Variants in ADAMTS18 observed in about 807,000 individuals in gnomAD.
The protein encoded by ADAMTS18 is ADAM metallopeptidase with thrombospondin type 1 motif 18.
A neutral mutation model predicts 165.9 loss-of-function variants in ADAMTS18; 157 were observed. The observed-to-expected ratio is 0.95, with a 90% CI of 0.83 to 1.08. The LOEUF (loss-of-function observed/expected upper bound fraction) is 1.08. Ranked by LOEUF, ADAMTS18 falls within the 50% of genes least tolerant of loss-of-function variation. The probability of loss-of-function intolerance (pLI) is 0.00; values close to 1 mark genes in which losing one functional copy is unlikely to be tolerated. For missense variants in ADAMTS18, 2,040 were observed against 1,534.0 expected, an observed-to-expected ratio of 1.33 and a Z score of -5.51; for synonymous variants, 782 against 578.2, an observed-to-expected ratio of 1.35 and a Z score of -5.06.
chr16:77,376,167 T>C (rs531279649), intron 3 of ADAMTS18, among the ~76,000 whole-genome samples: 1 of 152,188 alleles, frequency 6.6e-6, no homozygotes, highest in East Asian at 1.9e-4. Flanking sequence ...ACTCCCAAAG[T>C]GCTGGGATTA....
chr16:77,401,644 T>C (rs975334969), intron 3 of ADAMTS18, among the ~76,000 whole-genome samples: 24 of 152,314 alleles, frequency 1.6e-4, no homozygotes, highest in African/African-American at 5.8e-4. Context: ...AGATAGCTGG[T>C]AAATGTTATT....
At chr16:77,358,200 A>G (rs1309345513) in intron 8 of ADAMTS18, among the ~76,000 whole-genome samples, 1 of 152,202 alleles carries the variant, frequency 6.6e-6, no homozygotes, top group Middle Eastern at 3.2e-3. Flanking sequence ...TGTGTATAAT[A>G]ATGTTGGAAA....
At chr16:77,360,169 C>G (rs1267177737) in intron 7 of ADAMTS18, among the ~76,000 whole-genome samples, 1 of 152,094 alleles carries the variant, frequency 6.6e-6, no homozygotes, top group Admixed American at 6.6e-5. Context: ...ATTGTCAAGA[C>G]GGAAGTGAGA....
intron 3 of ADAMTS18, among the ~76,000 whole-genome samples, chr16:77,392,743 T>C (rs371743853): frequency 9.9e-5 from 15 of 152,178 alleles, no homozygotes; most frequent in East Asian, 9.6e-4. Context: ...TCTGTCCTGA[T>C]GGAATTTACA....
intron 3 of ADAMTS18, among the ~76,000 whole-genome samples, chr16:77,380,122 T>C (rs1597200382): frequency 1.3e-5 from 2 of 152,300 alleles, no homozygotes; most frequent in South Asian, 2.1e-4. Context: ...AATACTCCAA[T>C]AGGCTCAAAA....
intron 3 of ADAMTS18, among the ~76,000 whole-genome samples, chr16:77,408,331 G>A (rs146492789): frequency 4.7e-4 from 71 of 152,194 alleles, no homozygotes; most frequent in Admixed American, 1.6e-3. Context: ...CTAGATGACC[G>A]AGAAATTCCA....
At chr16:77,291,156 G>A in intron 21 of ADAMTS18, 110 bp downstream of exon 21, 1 of 1,243,896 alleles carries the variant, frequency 8.0e-7, no homozygotes, top group Non-Finnish European at 1.2e-6. Flanking sequence ...TGAGCCCTTA[G>A]TTGTTTTTAC....
At chr16:77,303,762 G>C (rs1383621175) in intron 16 of ADAMTS18, among the ~76,000 whole-genome samples, 1 of 152,140 alleles carries the variant, frequency 6.6e-6, no homozygotes, top group African/African-American at 2.4e-5. Flanking sequence ...GGCCGGACGC[G>C]GGGGCTCGCG....
intron 22 of ADAMTS18, among the ~76,000 whole-genome samples, chr16:77,287,509 C>T (rs1430151178): frequency 6.6e-6 from 1 of 151,940 alleles, no homozygotes; most frequent in Non-Finnish European, 1.5e-5. Flanking sequence ...GACAGGGTCT[C>T]AAAAAAAGCC....
intron 7 of ADAMTS18, 123 bp from the exon 8 acceptor site, chr16:77,359,546 TTGGA>T (rs2056681098): frequency 1.6e-6 from 1 of 630,478 alleles, no homozygotes; most frequent in Non-Finnish European, 2.6e-6. Context: ...TTCAGTGTTT[TTGGA>T]AAAAAAAAAA....
At chr16:77,356,514 T>C (rs1489881255) in intron 8 of ADAMTS18, among the ~76,000 whole-genome samples, 3 of 152,194 alleles carry the variant, frequency 2.0e-5, no homozygotes, top group African/African-American at 4.8e-5. Context: ...ATAAGTTGTT[T>C]ATGAACTGTT....
At chr16:77,379,188 G>A (rs1160496432) in intron 3 of ADAMTS18, among the ~76,000 whole-genome samples, 3 of 152,152 alleles carry the variant, frequency 2.0e-5, no homozygotes, top group East Asian at 3.9e-4. Flanking sequence ...CTCATGAGGC[G>A]CCTTCTTGGG....
At chr16:77,361,612 GGT>G (rs1487669989) in intron 7 of ADAMTS18, among the ~76,000 whole-genome samples, 1 of 152,162 alleles carries the variant, frequency 6.6e-6, no homozygotes, top group Admixed American at 6.5e-5. Flanking sequence ...AGCCAGGTGA[GGT>G]GGCTCATGCC....
intron 10 of ADAMTS18, among the ~76,000 whole-genome samples, chr16:77,344,134 C>T (rs1232786756): frequency 7.2e-6 from 1 of 138,908 alleles, no homozygotes; most frequent in Non-Finnish European, 1.6e-5. Flanking sequence ...TGTATACATA[C>T]ATATATATGT....
chr16:77,346,938 A>C (rs905747465), intron 10 of ADAMTS18, among the ~76,000 whole-genome samples: 1 of 152,220 alleles, frequency 6.6e-6, no homozygotes. Context: ...CCATCACTCC[A>C]AAAAGTTCCC....
intron 3 of ADAMTS18, among the ~76,000 whole-genome samples, chr16:77,430,039 T>G (rs2057719482): frequency 6.6e-6 from 1 of 152,140 alleles, no homozygotes; most frequent in South Asian, 2.1e-4. Flanking sequence ...TGGGATAGTT[T>G]AAGCCACTAC....
chr16:77,297,386 G>C lies in ADAMTS18; in HGVS notation c.2704C>G (p.Arg902Gly). Residue 902 changes from arginine to glycine, a missense_variant, in exon 18 of 23, where the codon CGA (arginine) becomes GGA (glycine). By Grantham distance (125) the Arg-to-Gly change is moderately radical. Coordinates refer to ENST00000282849, the MANE Select transcript of ADAMTS18 (RefSeq NM_199355.4). ...GYINVKAICL[R>G]DQNTQVNSSF... ...GAATTGACTTGAGTATTTTGATCTC[G>C]CAAGCAAATGGCCTTTACATTTATG... 1 of 1,613,264 alleles carries C rather than the reference G, an allele frequency of 6.2e-7. No individual in the cohort carries two copies. Among genetic ancestry groups the C allele is most frequent in the Non-Finnish European group, 8.5e-7 (1 of 1,179,252 alleles).
At chr16:77,423,093 T>A (rs978839626) in intron 3 of ADAMTS18, among the ~76,000 whole-genome samples, 1 of 152,192 alleles carries the variant, frequency 6.6e-6, no homozygotes, top group Non-Finnish European at 1.5e-5. Flanking sequence ...CACACATATT[T>A]TTCTTTTCAA....
At chr16:77,343,940 G>A (rs540219434) in intron 10 of ADAMTS18, among the ~76,000 whole-genome samples, 7 of 151,812 alleles carry the variant, frequency 4.6e-5, no homozygotes, top group African/African-American at 1.7e-4. Context: ...GTCATTACTT[G>A]TTGTAATCCT....
Sources: gnomAD v4.1 joint callset for allele counts (sites outside exome capture counted in the v4.1 genomes callset) on GRCh38, gnomAD v4.1.1 for gene constraint, MANE v1.5 for transcripts, NCBI Gene and HGNC (gene_info 2026-07-23, HGNC 2026-07-21) for gene names.